PLXND1: variants seen among roughly 807,000 people sequenced by gnomAD.
The protein encoded by PLXND1 is plexin D1.
A neutral mutation model predicts 197.7 loss-of-function variants in PLXND1; 54 were observed. The observed-to-expected ratio is 0.27, with a 90% CI of 0.22 to 0.34. The LOEUF (loss-of-function observed/expected upper bound fraction) is 0.34, where lower values mean the gene tolerates loss of function less well. PLXND1 is among the 10% of genes least tolerant of loss of function. The pLI, the probability that PLXND1 is intolerant of heterozygous loss-of-function variation, is 1.00. For synonymous variants in PLXND1, 1,180 were observed against 1,161.2 expected (o/e 1.02, Z -0.33); for missense variants, 2,127 against 2,699.2 (o/e 0.79, Z 4.70).
intron 2 of PLXND1, 109 bp downstream of exon 2, chr3:129,589,242 A>C: frequency 1.2e-6 from 1 of 852,688 alleles, no homozygotes; most frequent in Admixed American, 2.9e-5. Flanking sequence ...GAGAAAACAA[A>C]GGGTCAGGCT....
At position 129,584,172 on chromosome 3, in the gene PLXND1, G is replaced by A. The variant is rs1295247639; in HGVS notation, c.2091C>T (p.Phe697=). ...VNGRNIVKAN[F]TIYDCSRTAQ... ...CAGTGCGGCTGCAGTCGTAGATGGT[G>A]AAATTGGCCTTGACGATGTTCCGCC... is the stretch of plus-strand genomic sequence containing the variant. The change falls in exon 7 of 36, where the codon TTC becomes TTT. Residue 697 remains phenylalanine (F), a synonymous_variant. Transcript: ENST00000324093. 5 of 1,578,492 alleles carry A rather than the reference G, an allele frequency of 3.2e-6. No individual in the cohort carries two copies. In the African/African-American group the frequency reaches 5.4e-5, roughly 17 times the overall value.
In PLXND1 at chr3:129,555,453, T is replaced by C. The variant is rs1305205531; in HGVS notation, c.*859A>G. 6 of 675,908 alleles carry C rather than the reference T, an allele frequency of 8.9e-6. No individual in the cohort carries two copies. Among genetic ancestry groups the C allele is most frequent in the African/African-American group, 3.6e-5 (2 of 54,952 alleles). 41.9% of individuals were successfully genotyped at this position (675,908 alleles called of 1,614,324 possible). A position where few individuals can be genotyped will look rare whatever the true frequency, so the allele number is the denominator to read the frequency against. ...TGGAACAGTCATTTCCAGTGTTGCA[T>C]GGGGAGCCTCTCGGGACCCCTCCCC... On this transcript the variant is annotated 3_prime_UTR_variant, in exon 36 of 36. Transcript: ENST00000324093.
Position 129,589,369 on chromosome 3 carries a change from G to T in PLXND1, c.1470C>A (p.Val490=). Residue 490 remains valine, a synonymous_variant, in exon 2 of 36, where the codon GTC becomes GTA. Coordinates refer to ENST00000324093, the MANE Select transcript of PLXND1 (RefSeq NM_015103.3). ...TACCTACCTTGAGAAGCCTCCCGTT[G>T]ACCGTGCCCAGGAAGACCGCTGTGT... is the stretch of plus-strand genomic sequence containing the variant. ...NNYTAVFLGT[V]NGRLLKINLN... The T allele has an allele frequency of 6.4e-7, 1 of 1,557,048 alleles. No individual in the cohort carries two copies. Among genetic ancestry groups the T allele is most frequent in the South Asian group, 1.1e-5 (1 of 89,372 alleles).
intron 1 of PLXND1, among the ~76,000 whole-genome samples, chr3:129,592,446 G>A (rs1337295531): frequency 6.6e-6 from 1 of 152,256 alleles, no homozygotes; most frequent in East Asian, 1.9e-4. Flanking sequence ...AGTTCTGGAA[G>A]GGGACACCTG....
chr3:129,588,561 C>T (rs1213635087), intron 2 of PLXND1, among the ~76,000 whole-genome samples: 1 of 152,274 alleles, frequency 6.6e-6, no homozygotes, highest in African/African-American at 2.4e-5. Context: ...TGGGACTCCA[C>T]TCCCCACGCC....
chr3:129,606,458 T>C lies in PLXND1; in HGVS notation c.182A>G (p.Asn61Ser). Reference protein sequence around the residue: ...RRFPSPTPTNNFALDGAAGTV... With the variant: ...RRFPSPTPTNSFALDGAAGTV... ...CCCCGCCGCGCCGTCCAGGGCGAAG[T>C]TGTTGGTGGGCGTGGGCGAGGGGAA... The change falls in exon 1 of 36, where the codon AAC (asparagine) becomes AGC (serine). Residue 61 changes from asparagine to serine, a missense_variant. By Grantham distance (46) the Asn-to-Ser change is conservative. Transcript: ENST00000324093. 1.4e-6 allele frequency: 2 copies of C among 1,449,526 alleles called. No individual in the cohort carries two copies. Among genetic ancestry groups the C allele is most frequent in the Non-Finnish European group, 1.8e-6 (2 of 1,107,038 alleles). 89.8% of individuals were successfully genotyped at this position (1,449,526 alleles called of 1,614,324 possible).
intron 8 of PLXND1, among the ~76,000 whole-genome samples, chr3:129,583,003 G>A (rs148998498): frequency 1.9e-4 from 29 of 152,310 alleles, no homozygotes; most frequent in African/African-American, 6.5e-4. Context: ...CCCTTGGGAC[G>A]CCACTGCTCG....
intron 1 of PLXND1, among the ~76,000 whole-genome samples, chr3:129,602,984 A>C (rs887130115): frequency 3.3e-5 from 5 of 152,152 alleles, no homozygotes; most frequent in Admixed American, 3.3e-4. Flanking sequence ...CCTGATGCAA[A>C]GTCTAGGTTC....
At chr3:129,596,598 AAC>A (rs2085628010) in intron 1 of PLXND1, among the ~76,000 whole-genome samples, 1 of 152,134 alleles carries the variant, frequency 6.6e-6, no homozygotes, top group East Asian at 1.9e-4. Flanking sequence ...CAAGCCCTGG[AAC>A]AGTTTCCCTC....
In PLXND1 at chr3:129,606,281, A is replaced by T; in HGVS notation, c.359T>A (p.Leu120His). 6.5e-7 allele frequency: 1 copy of T among 1,534,528 alleles called. No individual in the cohort carries two copies. Among genetic ancestry groups the T allele is most frequent in the Non-Finnish European group, 8.7e-7 (1 of 1,146,246 alleles). ...CAGGATCTTGTTGTAGTTGTCCGTGAGGCGCCGCGGGTGCTCGCACGAGGC... is the reference window on the plus strand; with the variant it reads ...CAGGATCTTGTTGTAGTTGTCCGTGTGGCGCCGCGGGTGCTCGCACGAGGC... ...PQASCEHPRR[L>H]TDNYNKILQL... The change falls in exon 1 of 36, where the codon CTC (leucine) becomes CAC (histidine). Residue 120 changes from leucine (L) to histidine (H), a missense_variant. Physicochemically the swap from Leu to His is moderately conservative, Grantham distance 99. Around this residue, in one of 6 missense-constraint regions of PLXND1, gnomAD observed 245 missense variants for 267.1 expected, o/e 0.92. Coordinates refer to ENST00000324093, the MANE Select transcript of PLXND1 (RefSeq NM_015103.3).
chr3:129,596,553 C>G (rs533940233), intron 1 of PLXND1, among the ~76,000 whole-genome samples: 3 of 152,178 alleles, frequency 2.0e-5, no homozygotes, highest in African/African-American at 4.8e-5. Flanking sequence ...TTCCCTCCCC[C>G]CAGCAGGAGG....
chr3:129,561,749 TG>T (rs1560059596), intron 28 of PLXND1, 40 bp from the exon 29 acceptor site: 4 of 668,476 alleles, frequency 6.0e-6, no homozygotes, highest in Non-Finnish European at 5.8e-6. Flanking sequence ...GGCCGGAGGT[TG>T]GGGTGGGGGC....
intron 32 of PLXND1, chr3:129,559,337 C>CGGAT: frequency 6.0e-6 from 2 of 334,408 alleles, no homozygotes; most frequent in Non-Finnish European, 1.1e-5. Flanking sequence ...CTGATGGTGC[C>CGGAT]CACCTGAGAG....
At chr3:129,594,927 A>C (rs1488214207) in intron 1 of PLXND1, among the ~76,000 whole-genome samples, 1 of 150,948 alleles carries the variant, frequency 6.6e-6, no homozygotes, top group Non-Finnish European at 1.5e-5. Flanking sequence ...ACAGCTTCCC[A>C]TGGTTCCCTA....
intron 27 of PLXND1, among the ~76,000 whole-genome samples, chr3:129,562,250 C>T (rs911799075): frequency 1.4e-5 from 2 of 143,452 alleles, no homozygotes; most frequent in East Asian, 6.5e-4. Context: ...CGGTGGCTCA[C>T]ACCTGTAATC....
chr3:129,560,147 G>A (rs956157274), intron 31 of PLXND1, among the ~76,000 whole-genome samples, 183 bp downstream of exon 31: 3 of 152,206 alleles, frequency 2.0e-5, no homozygotes, highest in Non-Finnish European at 4.4e-5. Context: ...TGTGAGAAAT[G>A]CCTCCTCAAG....
chr3:129,556,441 G>T lies in PLXND1; in HGVS notation c.5662-13C>A. The T allele has an allele frequency of 6.2e-7, 1 of 1,603,292 alleles. No homozygotes were observed. Among genetic ancestry groups the T allele is most frequent in the Non-Finnish European group, 8.5e-7 (1 of 1,170,198 alleles). On this transcript the variant is annotated splice_polypyrimidine_tract_variant and intron_variant, in intron 35 of 35. Coordinates refer to ENST00000324093, the MANE Select transcript of PLXND1 (RefSeq NM_015103.3). The stretch of plus-strand genomic sequence containing the variant: ...GCGCGGCCATGATCTGAGGGGAGCA[G>T]CGGAGTCAGCCGGGCCATGGCCGGT...
At chr3:129,596,802 T>C (rs185989216) in intron 1 of PLXND1, among the ~76,000 whole-genome samples, 1 of 152,356 alleles carries the variant, frequency 6.6e-6, no homozygotes, top group East Asian at 1.9e-4. Context: ...AGCAGGACTC[T>C]ACCGCTGGTC....
At position 129,573,667 on chromosome 3, in the gene PLXND1, C is replaced by A; in HGVS notation, c.2764G>T (p.Asp922Tyr). ...RGRNLGRRLS[D>Y]VAHGVWIGGV... ...CCAATCCACACGCCGTGGGCCACGT[C>A]ACTGAGCCGCCGGCCCAGGTTCCTT... The change falls in exon 13 of 36, where the codon GAC becomes TAC. Residue 922 changes from aspartate (D) to tyrosine (Y), a missense_variant. By Grantham distance (160) the Asp-to-Tyr change is radical. This residue lies in a region of PLXND1 where 1,095 missense variants were observed against 1,259.8 expected (regional missense o/e 0.87). Coordinates refer to ENST00000324093, the MANE Select transcript of PLXND1 (RefSeq NM_015103.3). The A allele has an allele frequency of 6.2e-7, 1 of 1,613,656 alleles. No individual in the cohort carries two copies. Among genetic ancestry groups the A allele is most frequent in the Non-Finnish European group, 8.5e-7 (1 of 1,179,998 alleles).
Sources: allele counts gnomAD v4.1 joint callset (sites outside exome capture counted in the v4.1 genomes callset), GRCh38; gene constraint gnomAD v4.1.1; regional missense constraint gnomAD v4.1.1; transcripts MANE v1.5; gene names NCBI Gene and HGNC (gene_info 2026-07-23, HGNC 2026-07-21).